Variants in NCAM2 observed in about 807,000 individuals in gnomAD.
NCAM2 encodes the protein N-CAM-2.
NCAM2 carries 30 observed loss-of-function variants against 98.1 expected under a neutral mutation model. That is an observed-to-expected ratio of 0.31 (90% CI 0.23 to 0.41). The LOEUF is 0.41. NCAM2 is among the 10% of genes least tolerant of loss of function. The pLI is 1.00. For missense variants in NCAM2, 867 were observed against 1,005.8 expected (o/e 0.86, Z 1.87); for synonymous variants, 368 against 342.4 (o/e 1.07, Z -0.83).
chr21:21,482,781 T>A (rs200860609), intron 15 of NCAM2, among the ~76,000 whole-genome samples: 1 of 151,122 alleles, frequency 6.6e-6, no homozygotes, highest in Non-Finnish European at 1.5e-5. Context: ...TTTTTCATTT[T>A]TTCTTATTAA....
At chr21:21,284,093 T>C in intron 2 of NCAM2, 101 bp from the exon 3 acceptor site, 2 of 864,558 alleles carry the variant, frequency 2.3e-6, no homozygotes, top group South Asian at 3.5e-5. Context: ...TACATAATTT[T>C]TTTTCTAAAT....
intron 9 of NCAM2, among the ~76,000 whole-genome samples, chr21:21,396,369 A>G (rs980377446): frequency 6.6e-6 from 1 of 152,222 alleles, no homozygotes; most frequent in African/African-American, 2.4e-5. Context: ...GTGTTAGCAC[A>G]TACATGGTGA....
At chr21:21,245,928 T>C (rs1436853106) in intron 1 of NCAM2, among the ~76,000 whole-genome samples, 1 of 152,182 alleles carries the variant, frequency 6.6e-6, no homozygotes, top group Non-Finnish European at 1.5e-5. Flanking sequence ...AGACAGTAGA[T>C]ATGGTTTTAA....
chr21:21,169,255 C>A (rs563775562), intron 1 of NCAM2, among the ~76,000 whole-genome samples: 2 of 151,990 alleles, frequency 1.3e-5, no homozygotes, highest in South Asian at 4.2e-4. Context: ...TGAATCTAGA[C>A]AACGACCATA....
intron 9 of NCAM2, among the ~76,000 whole-genome samples, chr21:21,382,592 C>T (rs1404429029): frequency 3.3e-5 from 5 of 151,436 alleles, no homozygotes; most frequent in African/African-American, 7.3e-5. Flanking sequence ...CTCCGCTCAC[C>T]GCAACCTTCA....
In NCAM2 at chr21:21,425,040, C is replaced by CAAAA. The variant is rs1192128472; in HGVS notation, c.1480+6496_1480+6499dup. Among the ~76,000 whole-genome samples the CAAAA allele has an allele frequency of 6.8e-3, 299 of 43,840 alleles. 13 individuals carry two copies. The highest frequency in any genetic ancestry group is 0.026 in the East Asian group (47 of 1,800). 28.8% of individuals were successfully genotyped at this position (43,840 alleles called of 152,430 possible). On this transcript the variant is annotated intron_variant, in intron 11 of 17. Coordinates refer to ENST00000400546, the MANE Select transcript of NCAM2 (RefSeq NM_004540.5). ...GACAAAAGCGGGACTCTTCCTCCTCCAAAAAAAAAAAAAAAAAAAAAAAAA... is the reference window on the plus strand; with the variant it reads ...GACAAAAGCGGGACTCTTCCTCCTCCAAAAAAAAAAAAAAAAAAAAAAAAAAAAA...
At chr21:21,128,672 T>A (rs952342936) in intron 1 of NCAM2, among the ~76,000 whole-genome samples, 1 of 151,818 alleles carries the variant, frequency 6.6e-6, no homozygotes, top group African/African-American at 2.4e-5. Flanking sequence ...TAAAGTAAAA[T>A]CTACAAATAA....
chr21:21,210,521 A>T (rs1409336685), intron 1 of NCAM2: 7 of 1,284,314 alleles, frequency 5.5e-6, no homozygotes, highest in African/African-American at 1.5e-5. Context: ...AGAGACTTAA[A>T]GAACAATTTC....
At chr21:21,130,748 T>G (rs1569056105) in intron 1 of NCAM2, among the ~76,000 whole-genome samples, 2 of 152,140 alleles carry the variant, frequency 1.3e-5, no homozygotes, top group Non-Finnish European at 2.9e-5. Flanking sequence ...TTTTTTGGTG[T>G]TTTTAACAGT....
intron 2 of NCAM2, among the ~76,000 whole-genome samples, chr21:21,281,505 G>A (rs768816661): frequency 3.7e-4 from 56 of 151,946 alleles, no homozygotes; most frequent in Non-Finnish European, 6.2e-4. Context: ...CATATTTTAT[G>A]GGCCTCATTC....
At chr21:21,442,472 T>A (rs1202921345) in intron 12 of NCAM2, among the ~76,000 whole-genome samples, 1 of 152,152 alleles carries the variant, frequency 6.6e-6, no homozygotes, top group Non-Finnish European at 1.5e-5. Flanking sequence ...ACTAGGTGCA[T>A]CTTGTTTGGT....
chr21:21,494,368 T>A (rs1468874137), intron 15 of NCAM2, among the ~76,000 whole-genome samples: 2 of 151,928 alleles, frequency 1.3e-5, no homozygotes, highest in Non-Finnish European at 2.9e-5. Flanking sequence ...AGCCTTTCAA[T>A]GTTGACAGAA....
rs7281574 is a variant in NCAM2, at chr21:21,017,552, C to T, written c.55+18934C>T. 7.1e-3 allele frequency among the ~76,000 whole-genome samples: 1,074 copies of T among 151,274 alleles called. 9 individuals are homozygous for T. The highest frequency in any genetic ancestry group is 0.024 in the African/African-American group (985 of 41,204). Reference sequence around the variant, plus strand: ...GGCAAGTTATATATCGAAGCACGGGCGATTATGCAGACTCACTAATCCGGG... The same window carrying T: ...GGCAAGTTATATATCGAAGCACGGGTGATTATGCAGACTCACTAATCCGGG... On this transcript the variant is annotated intron_variant, in intron 1 of 17. Transcript: ENST00000400546.
At chr21:21,056,546 GGA>G (rs531425532) in intron 1 of NCAM2, among the ~76,000 whole-genome samples, 8 of 147,590 alleles carry the variant, frequency 5.4e-5, no homozygotes, top group African/African-American at 1.0e-4. Flanking sequence ...GGGAGAGAGA[GGA>G]GAGAGAGAGA....
chr21:21,454,844 T>C (rs915096288), intron 12 of NCAM2, among the ~76,000 whole-genome samples: 10 of 152,042 alleles, frequency 6.6e-5, no homozygotes, highest in African/African-American at 2.4e-4. Context: ...AGATATGAAG[T>C]ATTCAAATTT....
chr21:21,127,767 A>G (rs561586845), intron 1 of NCAM2, among the ~76,000 whole-genome samples: 2 of 152,146 alleles, frequency 1.3e-5, no homozygotes, highest in Non-Finnish European at 2.9e-5. Flanking sequence ...AGTTCCATCT[A>G]TGTTGCTGCA....
chr21:21,305,551 G>A (rs897470406), intron 5 of NCAM2, among the ~76,000 whole-genome samples: 1 of 150,114 alleles, frequency 6.7e-6, no homozygotes, highest in Non-Finnish European at 1.5e-5. Context: ...GGCTTTTCAG[G>A]GATTTTTAAA....
At chr21:21,278,571 G>A (rs922286671) in intron 1 of NCAM2, among the ~76,000 whole-genome samples, 3 of 151,922 alleles carry the variant, frequency 2.0e-5, no homozygotes, top group South Asian at 2.1e-4. Context: ...TTTCTGAAAC[G>A]TTAGATATAT....
intron 1 of NCAM2, among the ~76,000 whole-genome samples, chr21:21,067,985 A>G (rs1278314216): frequency 2.0e-5 from 3 of 152,106 alleles, no homozygotes; most frequent in Admixed American, 2.0e-4. Flanking sequence ...TATATTTTTA[A>G]AGCTCAGTTT....
Sources: gnomAD v4.1 joint callset for allele counts (sites outside exome capture counted in the v4.1 genomes callset) on GRCh38, gnomAD v4.1.1 for gene constraint, MANE v1.5 for transcripts, NCBI Gene and HGNC (gene_info 2026-07-23, HGNC 2026-07-21) for gene names.